Variants in TSC2 observed in about 807,000 individuals in gnomAD.
The protein encoded by TSC2 is TSC complex subunit 2.
In TSC2, 29 loss-of-function variants were observed where a neutral mutation model predicts 202.2. The observed-to-expected ratio is 0.14, with a 90% CI of 0.11 to 0.20. TSC2 has a LOEUF of 0.20. TSC2 is among the 10% of genes least tolerant of loss of function. The pLI, the probability that TSC2 is intolerant of heterozygous loss-of-function variation, is 1.00. For synonymous variants in TSC2, 1,349 were observed against 1,044.0 expected (o/e 1.29, Z -5.63); for missense variants, 2,429 against 2,420.0 (o/e 1.00, Z -0.08).
At chr16:2,081,133 G>A (rs1441798218) in intron 30 of TSC2, 10 of 272,790 alleles carry the variant, frequency 3.7e-5, no homozygotes, top group Middle Eastern at 1.3e-3. Context: ...AGACAGTCCC[G>A]TTCTGAGTTC....
chr16:2,048,005 G>T lies in TSC2; in HGVS notation c.-90G>T, dbSNP rs967930653. The T allele has an allele frequency of 1.3e-6, 2 of 1,490,286 alleles. No individual in the cohort carries two copies. The highest frequency in any genetic ancestry group is 1.4e-5 in the African/African-American group (1 of 69,978). The allele number at this position is 1,490,286 out of a possible 1,614,324, so 92.3% of individuals were successfully genotyped here. On this transcript the variant is annotated 5_prime_UTR_variant, in exon 1 of 42. Coordinates refer to ENST00000219476, the MANE Select transcript of TSC2 (RefSeq NM_000548.5). ...GTCGCGCTTCCGGCGGCGTCCCGGG[G>T]CCAGGGGGGTGCGCCTTTCTCCGCG...
intron 30 of TSC2, chr16:2,081,282 G>T (rs1172478383): frequency 2.8e-5 from 12 of 434,262 alleles, no homozygotes; most frequent in Non-Finnish European, 5.2e-5. Context: ...GGGCGCCTGG[G>T]TGTGCCGTGG....
Position 2,086,220 on chromosome 16 carries a change from A to G in TSC2, c.4690A>G (p.Asn1564Asp), listed in dbSNP as rs2090768408. 1 of 1,612,398 alleles carries G rather than the reference A, an allele frequency of 6.2e-7. No individual in the cohort carries two copies. The highest frequency in any genetic ancestry group is 1.3e-5 in the African/African-American group (1 of 74,832). The change falls in exon 37 of 42, where the codon AAT becomes GAT. Residue 1564 changes from asparagine to aspartate, a missense_variant. Coordinates refer to ENST00000219476, the MANE Select transcript of TSC2 (RefSeq NM_000548.5). ...QSNSELAILS[N>D]EHGSYRYTEF... ...CAACAGCGAGCTCGCCATCCTGTCC[A>G]ATGAGCATGGCTCCTACAGGTACAC...
Position 2,087,864 on chromosome 16 carries a change from G to A in TSC2, c.4991G>A (p.Gly1664Asp), listed in dbSNP as rs2091044912. ...TGACCCTTTCTCTTGTCCGGGCAGG[G>A]CCAGTTCAACTTTGTCCACGTGATC... Reference protein sequence around the residue: ...GEDFKLGTIKGQFNFVHVIVT... With the variant: ...GEDFKLGTIKDQFNFVHVIVT... The change falls in exon 39 of 42, where the codon GGC becomes GAC. Residue 1664 changes from glycine (G) to aspartate (D), a missense_variant and splice_region_variant. By Grantham distance (94) the Gly-to-Asp change is moderately conservative (BLOSUM62 -1). Coordinates refer to ENST00000219476, the MANE Select transcript of TSC2 (RefSeq NM_000548.5). 1 of 1,612,586 alleles carries A rather than the reference G, an allele frequency of 6.2e-7. No individual in the cohort carries two copies. The highest frequency in any genetic ancestry group is 2.2e-5 in the East Asian group (1 of 44,754).
At position 2,088,238 on chromosome 16, in the gene TSC2, G is replaced by T. The variant is rs774044431; in HGVS notation, c.5172G>T (p.Gln1724His). 1.2e-6 allele frequency: 2 copies of T among 1,613,066 alleles called. No homozygotes were observed. The highest frequency in any genetic ancestry group is 2.2e-5 in the South Asian group (2 of 91,084). Residue 1724 changes from glutamine (Q) to histidine (H), a missense_variant, in exon 41 of 42, where the codon CAG becomes CAT. Physicochemically the swap from Gln to His is conservative, Grantham distance 24. Transcript: ENST00000219476. ...GCCTACGTCCCCAGATGGCCTCACA[G>T]GTGCATCATAGCCGCTCCAACCCCA... ...QMALHANMASQVHHSRSNPTD... is the reference protein window; with the variant it reads ...QMALHANMASHVHHSRSNPTD...
At chr16:2,056,947 T>G in intron 8 of TSC2, 158 bp from the exon 9 acceptor site, 1 of 1,373,204 alleles carries the variant, frequency 7.3e-7, no homozygotes, top group Non-Finnish European at 1.0e-6. Context: ...TGGTGGCATT[T>G]TGAGAACCCT....
At chr16:2,054,980 A>G (rs988186349) in intron 5 of TSC2, 2 of 343,984 alleles carry the variant, frequency 5.8e-6, no homozygotes, top group South Asian at 5.1e-5. Context: ...GGTGCCGGCC[A>G]GGTGCCTACC....
chr16:2,083,165 T>C (rs1226095149), intron 32 of TSC2: 1 of 457,276 alleles, frequency 2.2e-6, no homozygotes, highest in South Asian at 1.5e-5. Flanking sequence ...TCTCCCCCTG[T>C]CCTGACGCTG....
Position 2,084,655 on chromosome 16 carries a change from A to C in TSC2, c.4433A>C (p.Asp1478Ala), listed in dbSNP as rs1596418447. 1 of 1,599,122 alleles carries C rather than the reference A, an allele frequency of 6.3e-7. No homozygotes were observed. Among genetic ancestry groups the C allele is most frequent in the Non-Finnish European group, 8.5e-7 (1 of 1,179,818 alleles). ...CGCAGGGGCAAGAGAGTAGAGAGGG[A>C]CGCCTTAAAGAGCAGAGCCACAGCC... ...PSRRGKRVERDALKSRATASN... is the reference protein window; with the variant it reads ...PSRRGKRVERAALKSRATASN... Residue 1478 changes from aspartate to alanine, a missense_variant, in exon 34 of 42, where the codon GAC becomes GCC. By Grantham distance (126) the Asp-to-Ala change is moderately radical (BLOSUM62 -2). Coordinates refer to ENST00000219476, the MANE Select transcript of TSC2 (RefSeq NM_000548.5).
At chr16:2,051,442 A>G (rs142132139) in intron 3 of TSC2, among the ~76,000 whole-genome samples, 1 of 152,286 alleles carries the variant, frequency 6.6e-6, no homozygotes, top group African/African-American at 2.4e-5. Context: ...GAACAATCCT[A>G]GGCACGCTGG....
In TSC2 at chr16:2,048,614, C is replaced by T. The variant is rs2084667325; in HGVS notation, c.-2C>T. 6.2e-7 allele frequency: 1 copy of T among 1,613,664 alleles called. No homozygotes were observed. Among genetic ancestry groups the T allele is most frequent in the African/African-American group, 1.3e-5 (1 of 74,872 alleles). ...GGGTTTTCTGGTGCGTCCTGGTCCA[C>T]CATGGCCAAACCAACAAGCAAAGAT... On this transcript the variant is annotated 5_prime_UTR_variant, in exon 2 of 42. Transcript: ENST00000219476.
intron 26 of TSC2, chr16:2,078,573 G>C (rs888561588): frequency 2.6e-5 from 7 of 271,332 alleles, no homozygotes; most frequent in African/African-American, 1.6e-4. Flanking sequence ...CCTGTCACTG[G>C]GTGTGGAGCT....
rs773304374 is a variant in TSC2, at chr16:2,070,457, C to T, written c.1718C>T (p.Thr573Ile). The change falls in exon 17 of 42, where the codon ACC becomes ATC. Residue 573 changes from threonine to isoleucine, a missense_variant and splice_region_variant. By Grantham distance (89) the Thr-to-Ile change is moderately conservative (BLOSUM62 -1). Transcript: ENST00000219476. ...GTGAGCTGCGTCCTCTCTCTGCAGA[C>T]CAAGCTGTACACCCTGCCTGCAAGC... ...AVLGLLVILQ[T>I]KLYTLPASHA... The T allele has an allele frequency of 3.1e-6, 5 of 1,613,274 alleles. No homozygotes were observed. The highest frequency in any genetic ancestry group is 2.7e-5 in the African/African-American group (2 of 74,938).
chr16:2,053,765 T>C (rs1479217054), intron 4 of TSC2: 3 of 560,350 alleles, frequency 5.4e-6, no homozygotes, highest in Non-Finnish European at 1.0e-5. Flanking sequence ...GGCTACGGTG[T>C]TGTTTTGCCC....
chr16:2,057,255 C>A, intron 9 of TSC2, 77 bp downstream of exon 9: 1 of 1,500,432 alleles, frequency 6.7e-7, no homozygotes, highest in Non-Finnish European at 9.1e-7. Context: ...CCTTGCCAAG[C>A]ACACACTGGC....
chr16:2,058,911 G>A (rs746100317), intron 10 of TSC2, 38 bp downstream of exon 10: 14 of 1,595,296 alleles, frequency 8.8e-6, no homozygotes, highest in Admixed American at 3.5e-5. Flanking sequence ...TGGCAGGAAC[G>A]GGAGAGCTCC....
At chr16:2,063,613 C>T in intron 14 of TSC2, 1 of 225,490 alleles carries the variant, frequency 4.4e-6, no homozygotes, top group Non-Finnish European at 8.9e-6. Context: ...CCTGCAGCCT[C>T]GCAGTCCTGC....
intron 2 of TSC2, among the ~76,000 whole-genome samples, chr16:2,048,998 A>G (rs1029820624): frequency 1.3e-5 from 2 of 152,232 alleles, no homozygotes; most frequent in African/African-American, 4.8e-5. Context: ...CATCTTATAG[A>G]TGAGGCCTGA....
rs1555506423 is a variant in TSC2 at position 2,072,255 on chromosome 16, G to A, written c.2112G>A (p.Lys704=). ...LQCLKQESDW[K]VLKLVLGRLP... ...TCTCCTCGCAGGAGTCTGACTGGAA[G>A]GTGCTGAAGCTGGTTCTGGGCAGGC... The change falls in exon 20 of 42, where the codon AAG becomes AAA. Residue 704 remains lysine, a synonymous_variant. Transcript: ENST00000219476. The A allele has an allele frequency of 6.2e-7, 1 of 1,614,108 alleles. No individual in the cohort carries two copies. Among genetic ancestry groups the A allele is most frequent in the African/African-American group, 1.3e-5 (1 of 75,078 alleles).
Sources: allele counts gnomAD v4.1 joint callset (sites outside exome capture counted in the v4.1 genomes callset), GRCh38; gene constraint gnomAD v4.1.1; transcripts MANE v1.5; gene names NCBI Gene and HGNC (gene_info 2026-07-23, HGNC 2026-07-21).